Variants in IQCJ observed in about 807,000 individuals in gnomAD.
The protein encoded by IQCJ is IQ motif containing J, also known as IQ domain-containing protein J.
In IQCJ, 9 loss-of-function variants were observed where a neutral mutation model predicts 11.0. The observed-to-expected ratio is 0.82, with a 90% CI of 0.49 to 1.43. The LOEUF (loss-of-function observed/expected upper bound fraction) is 1.43, where lower values mean the gene tolerates loss of function less well. Among genes scored for constraint, IQCJ ranks in the 40% most tolerant of loss-of-function variants. IQCJ has a pLI of 0.00. For synonymous variants in IQCJ, 55 were observed against 51.3 expected (o/e 1.07, Z -0.31); for missense variants, 146 against 133.2 (o/e 1.10, Z -0.47).
intron 1 of IQCJ, among the ~76,000 whole-genome samples, chr3:159,102,940 T>A (rs542186946): frequency 6.6e-6 from 1 of 152,324 alleles, no homozygotes; most frequent in South Asian, 2.1e-4. Flanking sequence ...TTCATTGATA[T>A]AAAAGCTACA....
chr3:159,072,441 T>A (rs1576983564), intron 1 of IQCJ, among the ~76,000 whole-genome samples: 2 of 151,988 alleles, frequency 1.3e-5, no homozygotes, highest in South Asian at 4.2e-4. Flanking sequence ...TGGCATTGTA[T>A]GGAGAGAGGA....
At chr3:159,117,925 T>C (rs1719123399) in intron 1 of IQCJ, among the ~76,000 whole-genome samples, 1 of 152,146 alleles carries the variant, frequency 6.6e-6, no homozygotes, top group African/African-American at 2.4e-5. Flanking sequence ...TTTCACTTAA[T>C]TTTCATAATT....
intron 3 of IQCJ, among the ~76,000 whole-genome samples, chr3:159,261,199 G>A (rs1034003313): frequency 1.3e-5 from 2 of 152,188 alleles, no homozygotes; most frequent in Non-Finnish European, 2.9e-5. Flanking sequence ...AAGAATTACA[G>A]AGATCAGATG....
chr3:159,087,176 C>T (rs547672632), intron 1 of IQCJ, among the ~76,000 whole-genome samples: 133 of 152,206 alleles, frequency 8.7e-4, no homozygotes, highest in Non-Finnish European at 1.4e-3. Flanking sequence ...TTGAGATAAT[C>T]GTGTGGTTTT....
At chr3:159,086,605 T>G (rs1221603984) in intron 1 of IQCJ, among the ~76,000 whole-genome samples, 4 of 152,038 alleles carry the variant, frequency 2.6e-5, no homozygotes, top group South Asian at 2.1e-4. Context: ...AGCAGTGGTT[T>G]GTAGTTCTCC....
At chr3:159,158,268 CAG>C (rs748708491) in intron 1 of IQCJ, among the ~76,000 whole-genome samples, 4 of 152,306 alleles carry the variant, frequency 2.6e-5, no homozygotes, top group East Asian at 3.9e-4. Context: ...ATGTATCTTA[CAG>C]AGCCATTGTA....
intron 1 of IQCJ, among the ~76,000 whole-genome samples, chr3:159,091,147 T>C (rs1287400592): frequency 1.3e-5 from 2 of 151,902 alleles, no homozygotes; most frequent in Non-Finnish European, 2.9e-5. Context: ...CATCTTTTGC[T>C]ACAATAACAT....
At chr3:159,246,724 C>A (rs948238973) in intron 2 of IQCJ, among the ~76,000 whole-genome samples, 2 of 152,152 alleles carry the variant, frequency 1.3e-5, no homozygotes, top group African/African-American at 4.8e-5. Context: ...GAAACTACTA[C>A]AAAGAGCTGA....
At chr3:159,111,222 T>C (rs1718607766) in intron 1 of IQCJ, among the ~76,000 whole-genome samples, 1 of 152,182 alleles carries the variant, frequency 6.6e-6, no homozygotes, top group African/African-American at 2.4e-5. Flanking sequence ...AGGAAATGGA[T>C]GAAAAACATT....
At chr3:159,220,813 G>A (rs1045959923) in intron 1 of IQCJ, among the ~76,000 whole-genome samples, 4 of 152,134 alleles carry the variant, frequency 2.6e-5, no homozygotes. Context: ...CTATGGGCTT[G>A]TTATTTCTTT....
intron 1 of IQCJ, among the ~76,000 whole-genome samples, chr3:159,180,723 A>G (rs550922483): frequency 6.6e-6 from 1 of 152,166 alleles, no homozygotes; most frequent in East Asian, 1.9e-4. Flanking sequence ...TTCCATTAAA[A>G]AGTTGAGAGA....
At chr3:159,086,667 C>T (rs1716798912) in intron 1 of IQCJ, among the ~76,000 whole-genome samples, 1 of 151,688 alleles carries the variant, frequency 6.6e-6, no homozygotes, top group Non-Finnish European at 1.5e-5. Context: ...GTATTTTATT[C>T]TCTTTGAAGC....
intron 1 of IQCJ, among the ~76,000 whole-genome samples, chr3:159,237,766 G>T (rs868439264): frequency 1.1e-4 from 17 of 152,300 alleles, no homozygotes; most frequent in Non-Finnish European, 1.9e-4. Context: ...ACCGAACCAG[G>T]TTCAGGTCCT....
At chr3:159,189,084 G>A (rs541018925) in intron 1 of IQCJ, among the ~76,000 whole-genome samples, 1 of 152,114 alleles carries the variant, frequency 6.6e-6, no homozygotes, top group Admixed American at 6.5e-5. Context: ...GCCTCTGTAA[G>A]GTTCCACATT....
chr3:159,264,355 T>C (rs996675064), downstream of IQCJ, among the ~76,000 whole-genome samples: 1 of 152,252 alleles, frequency 6.6e-6, no homozygotes, highest in Admixed American at 6.5e-5. Flanking sequence ...TTCTTCCCTG[T>C]TCATGAGTCA....
intron 1 of IQCJ, chr3:159,069,963 T>C (rs1715453032): frequency 7.9e-6 from 2 of 254,206 alleles, no homozygotes; most frequent in Admixed American, 4.3e-5. Context: ...CGAGAATTTC[T>C]ACCCCATGTT....
chr3:159,070,931 G>A (rs1026474528), intron 1 of IQCJ, among the ~76,000 whole-genome samples: 1 of 151,778 alleles, frequency 6.6e-6, no homozygotes, highest in Non-Finnish European at 1.5e-5. Context: ...TATTATTTTT[G>A]CTTCATGATA....
intron 1 of IQCJ, among the ~76,000 whole-genome samples, chr3:159,127,770 A>T (rs1021594890): frequency 6.6e-6 from 1 of 152,232 alleles, no homozygotes; most frequent in Non-Finnish European, 1.5e-5. Flanking sequence ...AAGTCATATT[A>T]TTGATAGTAC....
At position 159,171,566 on chromosome 3, in the gene IQCJ, G is replaced by T. The variant is rs542679863; in HGVS notation, c.10-74277G>T. On this transcript the variant is annotated intron_variant, in intron 1 of 3. Transcript: ENST00000397832. ...CAATCAGCCCTGCTTCAGACTAGTGGTTCTCAGGCCTGCTGCACATTAGAA... is the reference window on the plus strand; with the variant it reads ...CAATCAGCCCTGCTTCAGACTAGTGTTTCTCAGGCCTGCTGCACATTAGAA... Among the ~76,000 whole-genome samples the T allele has an allele frequency of 9.8e-4, 149 of 152,286 alleles. No individual in the cohort carries two copies. In the South Asian group the frequency reaches 0.01, roughly 10 times the overall value.
Sources: gnomAD v4.1 joint callset for allele counts (sites outside exome capture counted in the v4.1 genomes callset) on GRCh38, gnomAD v4.1.1 for gene constraint, MANE v1.5 for transcripts, NCBI Gene and HGNC (gene_info 2026-07-23, HGNC 2026-07-21) for gene names.